The following PTPRD variants were observed in gnomAD, a reference collection of about 807,000 sequenced individuals.
PTPRD encodes the protein protein tyrosine phosphatase receptor type D.
Under a neutral mutation model 214.5 loss-of-function variants are expected in PTPRD, and 34 were observed. The observed-to-expected ratio is 0.16, with a 90% CI of 0.12 to 0.21. The LOEUF (loss-of-function observed/expected upper bound fraction) is 0.21. Among genes scored for constraint, PTPRD ranks in the 10% least tolerant of loss-of-function variants. The pLI is 1.00. For synonymous variants in PTPRD, 1,128 were observed against 845.7 expected, an observed-to-expected ratio of 1.33 and a Z score of -5.79; for missense variants, 2,545 against 2,398.7, an observed-to-expected ratio of 1.06 and a Z score of -1.27.
chr9:10,234,432 T>C (rs939888223), intron 3 of PTPRD, among the ~76,000 whole-genome samples: 1 of 151,860 alleles, frequency 6.6e-6, no homozygotes, highest in Non-Finnish European at 1.5e-5. Context: ...AACTATCGCA[T>C]GACATATAAT....
At chr9:8,534,988 G>A (rs1303812993) in intron 14 of PTPRD, among the ~76,000 whole-genome samples, 2 of 151,736 alleles carry the variant, frequency 1.3e-5, no homozygotes, top group African/African-American at 4.8e-5. Context: ...TGCTGGACTG[G>A]GCCAGGCACT....
intron 6 of PTPRD, among the ~76,000 whole-genome samples, chr9:9,761,022 C>T (rs2098650913): frequency 6.6e-6 from 1 of 152,026 alleles, no homozygotes; most frequent in Admixed American, 6.6e-5. Flanking sequence ...CATGTAACTG[C>T]CATACAATCT....
chr9:8,830,126 A>G (rs768678748), intron 11 of PTPRD, among the ~76,000 whole-genome samples: 11 of 152,162 alleles, frequency 7.2e-5, no homozygotes, highest in Non-Finnish European at 1.3e-4. Flanking sequence ...TCACTATAGC[A>G]TAGGTACTGT....
intron 11 of PTPRD, among the ~76,000 whole-genome samples, chr9:8,967,838 G>T (rs996513136): frequency 2.0e-5 from 3 of 151,902 alleles, no homozygotes; most frequent in African/African-American, 7.3e-5. Flanking sequence ...GTGCCATGTT[G>T]GTGTGCTGCA....
At chr9:8,665,877 G>T (rs2097159860) in intron 12 of PTPRD, among the ~76,000 whole-genome samples, 1 of 152,126 alleles carries the variant, frequency 6.6e-6, no homozygotes, top group African/African-American at 2.4e-5. Flanking sequence ...GTTTGTGAAA[G>T]TTAATTATCT....
intron 10 of PTPRD, chr9:9,091,250 C>G (rs2099775333): frequency 8.1e-7 from 1 of 1,241,612 alleles, no homozygotes; most frequent in African/African-American, 1.5e-5. Context: ...ATGTAAGGAG[C>G]TGAGTTCTTA....
intron 3 of PTPRD, among the ~76,000 whole-genome samples, chr9:10,056,941 A>G (rs1444408644): frequency 6.6e-6 from 1 of 152,144 alleles, no homozygotes. Context: ...TGGGATTGTT[A>G]TTTTTGGTTA....
chr9:10,172,370 A>G (rs1429624056), intron 3 of PTPRD, among the ~76,000 whole-genome samples: 1 of 152,226 alleles, frequency 6.6e-6, no homozygotes, highest in Admixed American at 6.5e-5. Flanking sequence ...TTTTGATCTT[A>G]TTAAAGACAG....
chr9:10,104,957 C>T (rs142354474), intron 3 of PTPRD, among the ~76,000 whole-genome samples: 1 of 151,916 alleles, frequency 6.6e-6, no homozygotes, highest in East Asian at 1.9e-4. Context: ...TGTCTTTGCA[C>T]ATGCTAGGCT....
At chr9:10,146,883 T>G (rs768512720) in intron 3 of PTPRD, among the ~76,000 whole-genome samples, 2 of 152,144 alleles carry the variant, frequency 1.3e-5, no homozygotes, top group Non-Finnish European at 2.9e-5. Flanking sequence ...TTTACAAATA[T>G]CCAATATATT....
intron 9 of PTPRD, among the ~76,000 whole-genome samples, chr9:9,302,065 C>G (rs1595450032): frequency 6.6e-6 from 1 of 151,950 alleles, no homozygotes; most frequent in African/African-American, 2.4e-5. Flanking sequence ...ATGGCTCTTT[C>G]ATATTGCTCA....
In PTPRD at chr9:8,455,307, G is replaced by A. The variant is rs1323589; in HGVS notation, c.3875+5104C>T. ...GAAAAACATTTTATTACCAGCCATT[G>A]ACAGAACATGTATTTTCCTAGTCTG... On this transcript the variant is annotated intron_variant, in intron 33 of 45. Coordinates refer to ENST00000381196, the MANE Select transcript of PTPRD (RefSeq NM_002839.4). Among the ~76,000 whole-genome samples the A allele has an allele frequency of 4.0e-3, 602 of 152,294 alleles. 12 individuals are homozygous for A. Among genetic ancestry groups the A allele is most frequent in the East Asian group, 0.036 (187 of 5,172 alleles).
chr9:8,903,733 G>C (rs2098688416), intron 11 of PTPRD, among the ~76,000 whole-genome samples: 1 of 151,856 alleles, frequency 6.6e-6, no homozygotes, highest in Non-Finnish European at 1.5e-5. Context: ...CTAACAAACT[G>C]TTCTGATTCT....
intron 2 of PTPRD, among the ~76,000 whole-genome samples, chr9:10,407,387 T>C (rs548710076): frequency 5.3e-5 from 8 of 151,654 alleles, no homozygotes; most frequent in Admixed American, 1.3e-4. Flanking sequence ...TCATAATTCT[T>C]ATGTTGAGTT....
At chr9:9,450,669 T>C (rs562348829) in intron 8 of PTPRD, among the ~76,000 whole-genome samples, 1 of 151,856 alleles carries the variant, frequency 6.6e-6, no homozygotes, top group South Asian at 2.1e-4. Flanking sequence ...TTTCCTAGAA[T>C]TTTGTTTTCG....
intron 4 of PTPRD, among the ~76,000 whole-genome samples, chr9:9,942,949 T>C (rs892439779): frequency 2.6e-5 from 4 of 151,306 alleles, no homozygotes; most frequent in Non-Finnish European, 4.4e-5. Flanking sequence ...ATCCCATATA[T>C]GAAAACTGAA....
intron 39 of PTPRD, among the ~76,000 whole-genome samples, chr9:8,368,980 C>A (rs10977007): frequency 6.6e-6 from 1 of 151,974 alleles, no homozygotes; most frequent in African/African-American, 2.4e-5. Flanking sequence ...TTTTAACAAT[C>A]CTACCTTTCA....
chr9:8,560,959 G>C lies in PTPRD; in HGVS notation c.353-32180C>G, dbSNP rs183675340. Among the ~76,000 whole-genome samples, 52 of 151,520 alleles carry C rather than the reference G, an allele frequency of 3.4e-4. 1 individual carries two copies. Among genetic ancestry groups the C allele is most frequent in the African/African-American group, 1.2e-3 (48 of 41,222 alleles). On this transcript the variant is annotated intron_variant, in intron 14 of 45. Coordinates refer to ENST00000381196, the MANE Select transcript of PTPRD (RefSeq NM_002839.4). Reference sequence around the variant, plus strand: ...AAAAAAAACACTCCGTAGACATGGTGATGACAGTGAAAGGAGGCAGTCAAA... The same window carrying C: ...AAAAAAAACACTCCGTAGACATGGTCATGACAGTGAAAGGAGGCAGTCAAA...
chr9:8,332,967 C>A (rs529133424), intron 43 of PTPRD, among the ~76,000 whole-genome samples: 5 of 152,232 alleles, frequency 3.3e-5, no homozygotes, highest in Middle Eastern at 3.4e-3. Flanking sequence ...GGTAAGTGAA[C>A]AGGGACTCAA....
Sources: allele counts gnomAD v4.1 joint callset (sites outside exome capture counted in the v4.1 genomes callset), GRCh38; gene constraint gnomAD v4.1.1; transcripts MANE v1.5; gene names NCBI Gene and HGNC (gene_info 2026-07-23, HGNC 2026-07-21).